The following SKAP2 variants were observed in gnomAD, a reference collection of about 807,000 sequenced individuals.
The protein encoded by SKAP2 is src kinase-associated phosphoprotein 2.
SKAP2 carries 28 observed loss-of-function variants against 54.9 expected under a neutral mutation model. That is an observed-to-expected ratio of 0.51 (90% CI 0.38 to 0.70). SKAP2 has a LOEUF of 0.70. Among genes scored for constraint, SKAP2 ranks in the 30% least tolerant of loss-of-function variants. The pLI, the probability that SKAP2 is intolerant of heterozygous loss-of-function variation, is 0.00. For synonymous variants in SKAP2, 137 were observed against 134.3 expected, an observed-to-expected ratio of 1.02 and a Z score of -0.14; for missense variants, 356 against 424.1, an observed-to-expected ratio of 0.84 and a Z score of 1.41.
chr7:26,843,852 A>C (rs937191707), intron 4 of SKAP2, among the ~76,000 whole-genome samples, 178 bp downstream of exon 4: 14 of 152,078 alleles, frequency 9.2e-5, no homozygotes, highest in African/African-American at 3.4e-4. Context: ...AACCAACTAC[A>C]TACTTAGGAA....
At chr7:26,747,590 T>A (rs1782584280) in intron 4 of SKAP2, among the ~76,000 whole-genome samples, 1 of 152,184 alleles carries the variant, frequency 6.6e-6, no homozygotes, top group African/African-American at 2.4e-5. Context: ...CTTCAATAGG[T>A]CTATTTAGAA....
At chr7:26,733,155 A>G (rs7780206) in intron 6 of SKAP2, among the ~76,000 whole-genome samples, 21,061 of 151,890 alleles carry the variant, frequency 0.14, 2,295 homozygotes, top group African/African-American at 0.3. Context: ...GTTTATTGTG[A>G]TAAGTTTTAA....
At chr7:26,730,355 T>C (rs1787797137) in intron 6 of SKAP2, among the ~76,000 whole-genome samples, 1 of 152,218 alleles carries the variant, frequency 6.6e-6, no homozygotes, top group Admixed American at 6.5e-5. Flanking sequence ...TACCCAGCAC[T>C]GTGAAAGACT....
chr7:26,658,633 T>C, the SKAP2 span, among the ~76,000 whole-genome samples: 1 of 152,144 alleles, frequency 6.6e-6, no homozygotes, highest in South Asian at 2.1e-4. Flanking sequence ...CACTTCGTTT[T>C]CTTTGTTTGG....
At chr7:26,800,185 T>C (rs960287772) in intron 4 of SKAP2, among the ~76,000 whole-genome samples, 2 of 151,988 alleles carry the variant, frequency 1.3e-5, no homozygotes, top group East Asian at 1.9e-4. Context: ...CTGACCACAA[T>C]GGAATAAAAT....
intron 4 of SKAP2, among the ~76,000 whole-genome samples, chr7:26,809,550 G>C (rs956401649): frequency 6.6e-6 from 1 of 152,136 alleles, no homozygotes; most frequent in Non-Finnish European, 1.5e-5. Flanking sequence ...AAACCACAAT[G>C]AGATAACACC....
intron 4 of SKAP2, among the ~76,000 whole-genome samples, chr7:26,832,699 G>A (rs141736015): frequency 6.6e-6 from 1 of 152,210 alleles, no homozygotes; most frequent in East Asian, 1.9e-4. Flanking sequence ...TCAAGAAAAG[G>A]TAAAGAAAGT....
chr7:26,667,595 G>A lies in SKAP2; in HGVS notation c.*2071C>T, dbSNP rs945020556. 3 of 152,532 alleles carry A rather than the reference G, an allele frequency of 2.0e-5. No homozygotes were observed. Among genetic ancestry groups the A allele is most frequent in the African/African-American group, 7.2e-5 (3 of 41,422 alleles). 9.4% of individuals were successfully genotyped at this position (152,532 alleles called of 1,614,324 possible). A position where few individuals can be genotyped will look rare whatever the true frequency, so the allele number is the denominator to read the frequency against. On this transcript the variant is annotated 3_prime_UTR_variant, in exon 13 of 13. Transcript: ENST00000345317. The stretch of plus-strand genomic sequence containing the variant: ...TTATTTCTGTATTGTCACTGTTCAC[G>A]AGACTATCTGGCTTGGAACTGTTGG...
chr7:26,769,998 C>T (rs778986835), intron 4 of SKAP2, among the ~76,000 whole-genome samples: 10 of 152,194 alleles, frequency 6.6e-5, no homozygotes, highest in Admixed American at 1.3e-4. Flanking sequence ...AGATCTGCTG[C>T]GCTCTTCAGA....
At chr7:26,704,131 TA>T (rs1444256514) in intron 9 of SKAP2, among the ~76,000 whole-genome samples, 1 of 152,196 alleles carries the variant, frequency 6.6e-6, no homozygotes, top group Non-Finnish European at 1.5e-5. Flanking sequence ...GACAATCGTT[TA>T]AAAAAATGCT....
intron 9 of SKAP2, among the ~76,000 whole-genome samples, chr7:26,705,320 T>C: frequency 6.6e-6 from 1 of 152,240 alleles, no homozygotes; most frequent in East Asian, 1.9e-4. Context: ...TCTAATTAAA[T>C]AATGCAATCA....
chr7:26,824,770 A>C (rs636371), intron 4 of SKAP2, among the ~76,000 whole-genome samples: 112,324 of 152,026 alleles, frequency 0.74, 42,056 homozygotes, highest in East Asian at 0.95. Flanking sequence ...TATGGCTGTG[A>C]TGTATAATTA....
At chr7:26,853,461 C>T (rs1034179676) in intron 3 of SKAP2, among the ~76,000 whole-genome samples, 2 of 152,062 alleles carry the variant, frequency 1.3e-5, no homozygotes, top group African/African-American at 4.8e-5. Context: ...GTTCCTATAC[C>T]TTTCCTGATC....
intron 4 of SKAP2, among the ~76,000 whole-genome samples, chr7:26,762,521 C>T (rs926679862): frequency 6.6e-5 from 10 of 151,964 alleles, no homozygotes; most frequent in Admixed American, 3.9e-4. Context: ...CCTAAAGACG[C>T]TAATGCTTGC....
intron 9 of SKAP2, among the ~76,000 whole-genome samples, chr7:26,696,872 C>G (rs897047081): frequency 3.9e-5 from 6 of 152,150 alleles, no homozygotes; most frequent in African/African-American, 1.4e-4. Context: ...CATGCCACTG[C>G]ATCCTGGCCT....
At chr7:26,795,505 T>C (rs970520351) in intron 4 of SKAP2, among the ~76,000 whole-genome samples, 2 of 152,350 alleles carry the variant, frequency 1.3e-5, no homozygotes, top group Non-Finnish European at 1.5e-5. Context: ...TTAGAAGCAG[T>C]TAATTAAATG....
chr7:26,722,103 A>G (rs746871958), intron 9 of SKAP2, among the ~76,000 whole-genome samples: 2 of 152,236 alleles, frequency 1.3e-5, no homozygotes, highest in African/African-American at 4.8e-5. Context: ...AAAAGATGTA[A>G]AAGGATTAGG....
At chr7:26,739,398 T>G (rs1415429907) in intron 5 of SKAP2, among the ~76,000 whole-genome samples, 1 of 152,202 alleles carries the variant, frequency 6.6e-6, no homozygotes, top group East Asian at 1.9e-4. Flanking sequence ...TCATTTCCAT[T>G]AAATATTGGT....
intron 4 of SKAP2, among the ~76,000 whole-genome samples, chr7:26,763,231 A>G (rs1442093342): frequency 2.0e-5 from 3 of 152,204 alleles, no homozygotes; most frequent in Non-Finnish European, 4.4e-5. Context: ...GATTTTCCAC[A>G]TAAGAAAATA....
Sources: allele counts gnomAD v4.1 joint callset (sites outside exome capture counted in the v4.1 genomes callset), GRCh38; gene constraint gnomAD v4.1.1; transcripts MANE v1.5; gene names NCBI Gene and HGNC (gene_info 2026-07-23, HGNC 2026-07-21).